Variants in CTPS2 observed in about 807,000 individuals in gnomAD.
CTPS2 encodes the protein CTP synthase II.
Under a neutral mutation model 46.8 loss-of-function variants are expected in CTPS2, and 19 were observed. The observed-to-expected ratio is 0.41, with a 90% CI of 0.28 to 0.60. The LOEUF (loss-of-function observed/expected upper bound fraction) is 0.60, where lower values mean the gene tolerates loss of function less well. Among genes scored for constraint, CTPS2 ranks in the 20% least tolerant of loss-of-function variants. CTPS2 has a pLI of 0.35. For missense variants in CTPS2, 286 were observed against 447.6 expected, an observed-to-expected ratio of 0.64 and a Z score of 3.26; for synonymous variants, 151 against 165.2, an observed-to-expected ratio of 0.91 and a Z score of 0.66.
intron 17 of CTPS2, among the ~76,000 whole-genome samples, chrX:16,599,580 G>A (rs773265924): frequency 1.9e-5 from 2 of 106,407 alleles, no homozygotes; most frequent in Non-Finnish European, 3.9e-5. Flanking sequence ...GGGTTCAAGC[G>A]ATTCTCCTGC....
intron 13 of CTPS2, among the ~76,000 whole-genome samples, chrX:16,664,026 C>T (rs1222094860): frequency 1.8e-5 from 2 of 110,944 alleles, no homozygotes; most frequent in Non-Finnish European, 3.8e-5. Context: ...TTAGTAGAGA[C>T]AAAGTTTCAC....
intron 13 of CTPS2, among the ~76,000 whole-genome samples, chrX:16,642,894 G>A (rs1376581819): frequency 8.9e-6 from 1 of 111,960 alleles, no homozygotes; most frequent in Non-Finnish European, 1.9e-5. Flanking sequence ...GCATCTGAAA[G>A]GAAAACGCAT....
chrX:16,647,424 C>T (rs1356442483), intron 13 of CTPS2, among the ~76,000 whole-genome samples: 2 of 108,333 alleles, frequency 1.8e-5, no homozygotes, highest in Admixed American at 1.0e-4. Context: ...TGCACCACCA[C>T]GCCTGGCTAA....
chrX:16,627,580 C>G (rs781676236), intron 14 of CTPS2, among the ~76,000 whole-genome samples: 66 of 111,566 alleles, frequency 5.9e-4, no homozygotes, highest in African/African-American at 2.0e-3. Context: ...CCCTACCACT[C>G]CTTACTGCCT....
Position 16,698,922 on chromosome X carries a change from C to A in CTPS2, c.337+1G>T. The A allele has an allele frequency of 8.4e-7, 1 of 1,197,411 alleles. No homozygotes were observed. Among genetic ancestry groups the A allele is most frequent in the South Asian group, 1.8e-5 (1 of 54,270 alleles). The stretch of plus-strand genomic sequence containing the variant: ...TCCATAATGTCTGTGGAATATAATA[C>A]CTTGCACTGTTTTCCCCAGGTAATC... On this transcript the variant is annotated splice_donor_variant, in intron 3 of 18. Transcript: ENST00000359276. LOFTEE classifies it high-confidence loss of function.
intron 1 of CTPS2, among the ~76,000 whole-genome samples, chrX:16,707,856 C>A (rs1925141978): frequency 9.0e-6 from 1 of 110,552 alleles, no homozygotes; most frequent in South Asian, 3.8e-4. Context: ...GCCTGTGGTC[C>A]CAGCTACATG....
chrX:16,679,714 C>T (rs5980316), intron 9 of CTPS2, among the ~76,000 whole-genome samples: 12,220 of 110,643 alleles, frequency 0.11, 955 homozygotes, highest in African/African-American at 0.27. Context: ...GGATTAGTGC[C>T]CCTATAAAAA....
intron 1 of CTPS2, among the ~76,000 whole-genome samples, chrX:16,709,096 C>T (rs951212725): frequency 2.8e-5 from 3 of 108,682 alleles, no homozygotes; most frequent in Non-Finnish European, 5.7e-5. Flanking sequence ...GGGACAAGAG[C>T]GAGACTTCGT....
At chrX:16,658,040 T>C (rs1932860923) in intron 13 of CTPS2, among the ~76,000 whole-genome samples, 1 of 110,320 alleles carries the variant, frequency 9.1e-6, no homozygotes, top group Non-Finnish European at 1.9e-5. Flanking sequence ...ACCCTGTCTC[T>C]ACAAAAAATA....
At chrX:16,684,574 A>T (rs5980321) in intron 8 of CTPS2, among the ~76,000 whole-genome samples, 58,823 of 107,690 alleles carry the variant, frequency 0.55, 13,594 homozygotes, top group African/African-American at 0.86. Flanking sequence ...AAGAGAAACT[A>T]GATCACAAAC....
intron 13 of CTPS2, among the ~76,000 whole-genome samples, chrX:16,656,511 G>A (rs1337012713): frequency 9.1e-6 from 1 of 110,077 alleles, no homozygotes; most frequent in African/African-American, 3.3e-5. Context: ...CCGGGTTCAC[G>A]GCATTCTCCT....
chrX:16,603,240 C>T (rs941475761), intron 17 of CTPS2, among the ~76,000 whole-genome samples: 4 of 110,002 alleles, frequency 3.6e-5, no homozygotes, highest in Non-Finnish European at 7.6e-5. Context: ...GATGGTGAAA[C>T]CCCATCTCTA....
chrX:16,672,486 C>G (rs1436937892), intron 10 of CTPS2, among the ~76,000 whole-genome samples: 2 of 111,318 alleles, frequency 1.8e-5, no homozygotes, highest in African/African-American at 6.5e-5. Flanking sequence ...TGCCCAGAGA[C>G]AAGTTGAAAC....
At chrX:16,663,260 C>T (rs982379995) in intron 13 of CTPS2, among the ~76,000 whole-genome samples, 2 of 111,513 alleles carry the variant, frequency 1.8e-5, no homozygotes, top group Admixed American at 1.9e-4. Context: ...GATCCTCCCC[C>T]TCAGCCTCCC....
At chrX:16,617,325 G>T in intron 15 of CTPS2, 79 bp from the exon 16 acceptor site, 1 of 685,009 alleles carries the variant, frequency 1.5e-6, no homozygotes, top group Non-Finnish European at 2.2e-6. Flanking sequence ...CAGTTGGGTG[G>T]GTTTTCCATT....
intron 12 of CTPS2, 29 bp from the exon 13 acceptor site, chrX:16,667,586 T>C (rs775234652): frequency 1.7e-5 from 20 of 1,203,413 alleles, no homozygotes; most frequent in Admixed American, 2.2e-5. Flanking sequence ...GTTCAGTAAT[T>C]CACCAATAGT....
In CTPS2 at chrX:16,623,691, C is replaced by T. The variant is rs191739176; in HGVS notation, c.1394-3359G>A. On this transcript the variant is annotated intron_variant, in intron 14 of 18. Coordinates refer to ENST00000359276, the MANE Select transcript of CTPS2 (RefSeq NM_175859.3). ...CACTTAGGTCGCTTCTAAATCTTGG[C>T]TACTGTGACTGGTGCTGCAATAAAC... Among the ~76,000 whole-genome samples, 521 of 107,390 alleles carry T rather than the reference C, an allele frequency of 4.9e-3. 2 individuals carry two copies. Among genetic ancestry groups the T allele is most frequent in the Non-Finnish European group, 7.0e-3 (368 of 52,252 alleles). The allele number at this position is 107,390 out of a possible 115,157, so 93.3% of individuals were successfully genotyped here. A position where few individuals can be genotyped will look rare whatever the true frequency, so the allele number is the denominator to read the frequency against.
intron 10 of CTPS2, among the ~76,000 whole-genome samples, chrX:16,671,275 C>T (rs1921717975): frequency 1.8e-5 from 2 of 110,952 alleles, no homozygotes; most frequent in African/African-American, 3.3e-5. Context: ...TGGAAAATAT[C>T]ATCAAGAGAG....
intron 11 of CTPS2, among the ~76,000 whole-genome samples, chrX:16,668,540 G>A (rs1446678192): frequency 4.7e-5 from 5 of 106,129 alleles, no homozygotes; most frequent in African/African-American, 1.4e-4. Context: ...AGCAGAGATC[G>A]CGCCACTGCA....
Sources: allele counts gnomAD v4.1 joint callset (sites outside exome capture counted in the v4.1 genomes callset), GRCh38; gene constraint gnomAD v4.1.1; transcripts MANE v1.5; gene names NCBI Gene and HGNC (gene_info 2026-07-23, HGNC 2026-07-21).